SRGAP2B: variants seen among roughly 807,000 people sequenced by gnomAD.
The protein encoded by SRGAP2B is SLIT-ROBO Rho GTPase activating protein 2B.
A neutral mutation model predicts 22.2 loss-of-function variants in SRGAP2B; 9 were observed. The observed-to-expected ratio is 0.41, with a 90% CI of 0.24 to 0.71. SRGAP2B has a LOEUF of 0.71. SRGAP2B is among the 30% of genes least tolerant of loss of function. SRGAP2B has a pLI of 0.35. For synonymous variants in SRGAP2B, 36 were observed against 87.4 expected, an observed-to-expected ratio of 0.41 and a Z score of 3.28; for missense variants, 114 against 235.8, an observed-to-expected ratio of 0.48 and a Z score of 3.38.
rs1432111207 is a variant in SRGAP2B at position 144,969,950 on chromosome 1, T to C, written c.261-14349A>G. Among the ~76,000 whole-genome samples the C allele has an allele frequency of 8.6e-5, 13 of 150,664 alleles. 1 individual carries two copies. The highest frequency in any genetic ancestry group is 1.2e-4 in the African/African-American group (5 of 40,230). Reference sequence around the variant, plus strand: ...GCAAATCAAAACCACTATTGAGATATCATCTCACACCAGTTAGAATGGCAA... The same window carrying C: ...GCAAATCAAAACCACTATTGAGATACCATCTCACACCAGTTAGAATGGCAA... On this transcript the variant is annotated intron_variant, in intron 3 of 9. Transcript: ENST00000612199.
chr1:145,021,814 CAAAAAAAAA>C (rs71074453), intron 2 of SRGAP2B, among the ~76,000 whole-genome samples: 1 of 70,262 alleles, frequency 1.4e-5, no homozygotes, highest in Non-Finnish European at 2.9e-5. Context: ...AACTCCGTCT[CAAAAAAAAA>C]AAAAAAAAAG....
Position 144,941,229 on chromosome 1 carries a change from C to T in SRGAP2B, c.423+14210G>A, listed in dbSNP as rs371422454. On this transcript the variant is annotated intron_variant, in intron 4 of 9. Coordinates refer to ENST00000612199, the Ensembl canonical transcript of SRGAP2B. ...AGCTGAAGGGTTTTTTGTTTGTTTG[C>T]TTCCAAATTAAAGGAAAACTGAAAT... Among the ~76,000 whole-genome samples, 4 of 143,886 alleles carry T rather than the reference C, an allele frequency of 2.8e-5. No individual in the cohort carries two copies. In the East Asian group the frequency reaches 5.9e-4, roughly 21 times the overall value. The allele number at this position is 143,886 out of a possible 152,430, so 94.4% of individuals were successfully genotyped here.
chr1:144,950,768 A>T (rs1666795307), intron 4 of SRGAP2B, among the ~76,000 whole-genome samples: 2 of 150,494 alleles, frequency 1.3e-5, no homozygotes, highest in Non-Finnish European at 2.9e-5. Context: ...CTAATACAGT[A>T]TGTAGATGAA....
At chr1:144,955,523 A>G (rs782396538) in exon 4 of SRGAP2B, 6 of 1,032,960 alleles carry the variant, frequency 5.8e-6, no homozygotes, top group Non-Finnish European at 7.3e-6. Context: ...TCAGGGTGGT[A>G]TGGTCCCTGC....
At chr1:144,955,960 TG>T (rs1667226441) in intron 3 of SRGAP2B, among the ~76,000 whole-genome samples, 2 of 136,904 alleles carry the variant, frequency 1.5e-5, no homozygotes, top group African/African-American at 5.8e-5. Context: ...CCCCTTCAAC[TG>T]ATTAGAAAAC....
intron 3 of SRGAP2B, among the ~76,000 whole-genome samples, chr1:144,957,149 T>C (rs1164756006): frequency 1.3e-5 from 2 of 150,758 alleles, no homozygotes; most frequent in Non-Finnish European, 2.9e-5. Flanking sequence ...TCTTTCCCCC[T>C]TTCCTCTCTT....
intron 4 of SRGAP2B, among the ~76,000 whole-genome samples, chr1:144,945,251 A>C: frequency 6.7e-6 from 1 of 148,590 alleles, no homozygotes; most frequent in East Asian, 1.9e-4. Context: ...TCTCAAATTG[A>C]GGAAAAATTT....
intron 4 of SRGAP2B, among the ~76,000 whole-genome samples, chr1:144,925,469 C>T (rs587616652): frequency 4.9e-5 from 7 of 141,612 alleles, no homozygotes; most frequent in Admixed American, 1.4e-4. Flanking sequence ...CATGGTGAAA[C>T]GCTGTCTCTA....
At chr1:145,011,554 C>T (rs199490573) in intron 2 of SRGAP2B, among the ~76,000 whole-genome samples, 7 of 150,256 alleles carry the variant, frequency 4.7e-5, no homozygotes, top group South Asian at 2.1e-4. Flanking sequence ...CACCCCAGCA[C>T]GTTCCCTACC....
At chr1:144,932,502 G>A (rs1303128202) in intron 4 of SRGAP2B, among the ~76,000 whole-genome samples, 2 of 150,482 alleles carry the variant, frequency 1.3e-5, no homozygotes, top group Non-Finnish European at 2.9e-5. Context: ...ATGGGGTCAG[G>A]GTCTCCAAGC....
At chr1:144,991,190 G>C (rs1670187647) in intron 3 of SRGAP2B, among the ~76,000 whole-genome samples, 1 of 150,634 alleles carries the variant, frequency 6.6e-6, no homozygotes. Context: ...CCTGTGTTTA[G>C]CTCAAGGTTT....
chr1:144,985,260 T>C (rs2102083875), intron 3 of SRGAP2B, among the ~76,000 whole-genome samples: 1 of 135,972 alleles, frequency 7.4e-6, no homozygotes, highest in East Asian at 2.0e-4. Flanking sequence ...ACAAAACCTC[T>C]AAAATAGTCA....
At position 144,905,414 on chromosome 1, in the gene SRGAP2B, A is replaced by C. The variant is rs1306484993; in HGVS notation, c.703-195T>G. 2.0e-5 allele frequency among the ~76,000 whole-genome samples: 3 copies of C among 149,970 alleles called. 1 individual carries two copies. The East Asian group carries it at 5.9e-4, about 29-fold the overall frequency. On this transcript the variant is annotated intron_variant, in intron 6 of 9. Coordinates refer to ENST00000612199, the Ensembl canonical transcript of SRGAP2B. ...TAGATCAATTCAGGAAAGGTTAATG[A>C]GGCTCCCTACTTAAGATGTGTGCCC... is the stretch of plus-strand genomic sequence containing the variant.
intron 2 of SRGAP2B, among the ~76,000 whole-genome samples, chr1:145,064,660 C>G (rs1159002153): frequency 6.7e-6 from 1 of 149,628 alleles, no homozygotes; most frequent in South Asian, 2.1e-4. Context: ...GAGAAGAAAT[C>G]TGAGTCTGTC....
chr1:144,970,020 G>A (rs1296592990), intron 3 of SRGAP2B, among the ~76,000 whole-genome samples: 1 of 150,342 alleles, frequency 6.7e-6, no homozygotes, highest in Non-Finnish European at 1.5e-5. Context: ...AGGATGTGGA[G>A]AAATACAAAC....
intron 3 of SRGAP2B, among the ~76,000 whole-genome samples, chr1:144,987,903 AC>A: frequency 6.6e-6 from 1 of 151,142 alleles, no homozygotes; most frequent in African/African-American, 2.5e-5. Flanking sequence ...TCATCACTGT[AC>A]TACTAAGATA....
chr1:144,941,738 G>C (rs1553607421), intron 4 of SRGAP2B, among the ~76,000 whole-genome samples: 1 of 149,360 alleles, frequency 6.7e-6, no homozygotes, highest in Non-Finnish European at 1.5e-5. Flanking sequence ...GAAAAGTCTT[G>C]ACAAAGATAA....
chr1:145,051,356 G>A (rs1650165846), intron 2 of SRGAP2B, among the ~76,000 whole-genome samples: 2 of 145,522 alleles, frequency 1.4e-5, no homozygotes, highest in African/African-American at 5.4e-5. Context: ...ATCTTAACAG[G>A]GATGTTATGA....
At chr1:144,917,314 G>A (rs1382038694) in intron 4 of SRGAP2B, 1 of 44,798 alleles carries the variant, frequency 2.2e-5, no homozygotes, top group African/African-American at 1.3e-4. Context: ...GAGGTGAAGT[G>A]AGGCAACATG....
Sources: allele counts gnomAD v4.1 joint callset (sites outside exome capture counted in the v4.1 genomes callset), GRCh38; gene constraint gnomAD v4.1.1; transcripts MANE v1.5; gene names NCBI Gene and HGNC (gene_info 2026-07-23, HGNC 2026-07-21).